The following PC variants were observed in gnomAD, a reference collection of about 807,000 sequenced individuals.
PC encodes the protein pyruvate carboxylase, mitochondrial.
PC carries 46 observed loss-of-function variants against 107.8 expected under a neutral mutation model. The observed-to-expected ratio is 0.43, with a 90% CI of 0.34 to 0.55. The LOEUF (loss-of-function observed/expected upper bound fraction) is 0.55. Among genes scored for constraint, PC ranks in the 20% least tolerant of loss-of-function variants. The pLI is 0.04. For missense variants in PC, 1,241 were observed against 1,643.1 expected (o/e 0.76, Z 4.23); for synonymous variants, 662 against 684.7 (o/e 0.97, Z 0.52).
chr11:66,870,154 C>A lies in PC; in HGVS notation c.903+148G>T. The stretch of plus-strand genomic sequence containing the variant: ...AAGGATGCCACAAACCCACTTCTGG[C>A]CCCCAGGAGAGTCCTTCACCCTCTT... On this transcript the variant is annotated intron_variant, in intron 9 of 22. Transcript: ENST00000393960. The surrounding 1 kb of genome is among the most constrained non-coding windows in gnomAD (Gnocchi z 6.1). The A allele has an allele frequency of 1.0e-6, 1 of 977,348 alleles. No individual in the cohort carries two copies. Among genetic ancestry groups the A allele is most frequent in the Non-Finnish European group, 1.5e-6 (1 of 645,372 alleles). 60.5% of individuals were successfully genotyped at this position (977,348 alleles called of 1,614,324 possible). A position where few individuals can be genotyped will look rare whatever the true frequency, so the allele number is the denominator to read the frequency against.
At chr11:66,939,589 G>C (rs1949073783) in intron 3 of PC, among the ~76,000 whole-genome samples, 1 of 152,054 alleles carries the variant, frequency 6.6e-6, no homozygotes, top group South Asian at 2.1e-4. Flanking sequence ...TGGATCACCT[G>C]AGGTCAGGAG....
In PC at chr11:66,849,049, G is replaced by C. The variant is rs761578681; in HGVS notation, c.3387C>G (p.Ala1129=). 10 of 1,613,908 alleles carry C rather than the reference G, an allele frequency of 6.2e-6. No individual in the cohort carries two copies. The East Asian group carries it at 1.6e-4, about 25-fold the overall frequency. ...KVIDIKVVAG[A]KVAKGQPLCV... ...ACAGGGGCTGGCCCTTGGCCACCTT[G>C]GCCCCTGCCACCACTTTGATGTCTA... The change falls in exon 23 of 23, where the codon GCC becomes GCG. Residue 1129 remains alanine (A), a synonymous_variant. Coordinates refer to ENST00000393960, the MANE Select transcript of PC (RefSeq NM_001040716.2).
intron 3 of PC, among the ~76,000 whole-genome samples, chr11:66,923,901 A>C (rs1465220820): frequency 7.0e-6 from 1 of 142,798 alleles, no homozygotes; most frequent in African/African-American, 2.6e-5. Flanking sequence ...AAAAAAAAAA[A>C]AGAGAAAAAG....
In PC at chr11:66,858,756, A is replaced by T; in HGVS notation, c.1368+5018T>A. On this transcript the variant is annotated intron_variant, in intron 12 of 22. Coordinates refer to ENST00000393960, the MANE Select transcript of PC (RefSeq NM_001040716.2). This position sits in a 1 kb window ranked among gnomAD's most constrained non-coding sequence, Gnocchi z 5.9. ...GGCTTTCCCCAACGGGACCTTAGAG[A>T]TTGGGGTGACCGGCGCTGGGGACGC... 6.4e-7 allele frequency: 1 copy of T among 1,553,788 alleles called. No homozygotes were observed. The highest frequency in any genetic ancestry group is 8.7e-7 in the Non-Finnish European group (1 of 1,149,014).
At chr11:66,886,915 C>T (rs954912488) in intron 3 of PC, among the ~76,000 whole-genome samples, 25 of 152,174 alleles carry the variant, frequency 1.6e-4, no homozygotes, top group African/African-American at 5.6e-4. Context: ...CCACGGTGCA[C>T]GCCCCTGGCT....
chr11:66,889,425 T>C (rs1285183601), intron 3 of PC, among the ~76,000 whole-genome samples: 1 of 151,930 alleles, frequency 6.6e-6, no homozygotes, highest in East Asian at 1.9e-4. Flanking sequence ...GGCTGGAGTG[T>C]AGTGGCATGA....
Position 66,857,496 on chromosome 11 carries a change from C to T in PC, c.1369-4113G>A. On this transcript the variant is annotated intron_variant, in intron 12 of 22. Transcript: ENST00000393960. The surrounding 1 kb of genome is among the most constrained non-coding windows in gnomAD (Gnocchi z 7.1). ...GTCCTCCTCCGCTTCCTGCCTCATG[C>T]CTCACCTTGTCCCCAGCGCCTGGAC... The T allele has an allele frequency of 2.1e-6, 1 of 484,692 alleles. No individual in the cohort carries two copies. The highest frequency in any genetic ancestry group is 3.6e-6 in the Non-Finnish European group (1 of 275,568). 30.0% of individuals were successfully genotyped at this position (484,692 alleles called of 1,614,324 possible). A position where few individuals can be genotyped will look rare whatever the true frequency, so the allele number is the denominator to read the frequency against.
At chr11:66,896,004 A>G (rs1318794793) in intron 3 of PC, among the ~76,000 whole-genome samples, 1 of 152,260 alleles carries the variant, frequency 6.6e-6, no homozygotes, top group Non-Finnish European at 1.5e-5. Flanking sequence ...TGGACTTCTT[A>G]GCAGTTTCAG....
chr11:66,878,531 T>C (rs75564761), intron 3 of PC, among the ~76,000 whole-genome samples: 6,121 of 152,318 alleles, frequency 0.04, 196 homozygotes, highest in African/African-American at 0.09. Context: ...GCTGACATGT[T>C]GCCGCCCCCT....
chr11:66,875,573 C>A (rs940601572), intron 3 of PC, among the ~76,000 whole-genome samples: 6 of 151,958 alleles, frequency 3.9e-5, no homozygotes, highest in African/African-American at 1.5e-4. Context: ...AAGAAGGAGC[C>A]CAGGGGGGAT....
In PC at chr11:66,848,501, G is replaced by C. The variant is rs1188251367; in HGVS notation, c.*398C>G. 2.2e-5 allele frequency: 13 copies of C among 580,564 alleles called. No homozygotes were observed. The highest frequency in any genetic ancestry group is 3.7e-5 in the Non-Finnish European group (12 of 328,486). The allele number at this position is 580,564 out of a possible 1,614,324, so 36.0% of individuals were successfully genotyped here. A position where few individuals can be genotyped will look rare whatever the true frequency, so the allele number is the denominator to read the frequency against. On this transcript the variant is annotated 3_prime_UTR_variant, in exon 23 of 23. Transcript: ENST00000393960. ...CCACTGCTGAGTGGTGCAGGCTGGG[G>C]GCTGCACAGGATCCAGCATGGAGGG...
intron 3 of PC, among the ~76,000 whole-genome samples, chr11:66,935,020 C>T (rs986541077): frequency 2.0e-5 from 3 of 152,234 alleles, no homozygotes; most frequent in Non-Finnish European, 2.9e-5. Flanking sequence ...TTGTCCAGCA[C>T]GTGCATTCCC....
At chr11:66,864,804 G>A (rs1188361430) in intron 11 of PC, among the ~76,000 whole-genome samples, 1 of 152,232 alleles carries the variant, frequency 6.6e-6, no homozygotes, top group Non-Finnish European at 1.5e-5. Flanking sequence ...TGCCGCCCGA[G>A]TGAGCCCCGC....
At chr11:66,890,394 A>ATTTTT (rs148706185) in intron 3 of PC, among the ~76,000 whole-genome samples, 1 of 123,456 alleles carries the variant, frequency 8.1e-6, no homozygotes. Flanking sequence ...ATTGTTTCCC[A>ATTTTT]TTTTTTTTTT....
intron 1 of PC, among the ~76,000 whole-genome samples, chr11:66,955,955 C>T (rs1455534352): frequency 1.3e-5 from 2 of 151,880 alleles, no homozygotes; most frequent in Non-Finnish European, 1.5e-5. Flanking sequence ...GTATTTTTAG[C>T]AGAGAAGGGG....
At chr11:66,879,680 G>GA (rs1947115307) in intron 3 of PC, among the ~76,000 whole-genome samples, 1 of 152,248 alleles carries the variant, frequency 6.6e-6, no homozygotes, top group Non-Finnish European at 1.5e-5. Context: ...TGGCTGCAGG[G>GA]AGGCGGGAGG....
chr11:66,928,243 C>T (rs1948765334), intron 3 of PC, among the ~76,000 whole-genome samples: 1 of 151,960 alleles, frequency 6.6e-6, no homozygotes, highest in African/African-American at 2.4e-5. Context: ...AAAAATTAGC[C>T]AGGCGCGGTG....
intron 12 of PC, 24 bp downstream of exon 12, chr11:66,863,750 C>T: frequency 3.1e-6 from 5 of 1,593,906 alleles, no homozygotes; most frequent in Non-Finnish European, 4.3e-6. Flanking sequence ...GGAGCAAAGG[C>T]AGGCGGGGGC....
At chr11:66,940,562 CA>C (rs2136130684) in intron 3 of PC, among the ~76,000 whole-genome samples, 1 of 151,470 alleles carries the variant, frequency 6.6e-6, no homozygotes, top group African/African-American at 2.4e-5. Context: ...ATACAAAATA[CA>C]AAAAAATACA....
Sources: allele counts gnomAD v4.1 joint callset (sites outside exome capture counted in the v4.1 genomes callset), GRCh38; gene constraint gnomAD v4.1.1; non-coding constraint Gnocchi (gnomAD v3.1); transcripts MANE v1.5; gene names NCBI Gene and HGNC (gene_info 2026-07-23, HGNC 2026-07-21).